The following IRX4 variants were observed in gnomAD, a reference collection of about 807,000 sequenced individuals.
IRX4 encodes the protein iroquois-class homeodomain protein IRX-4.
In IRX4, 22 loss-of-function variants were observed where a neutral mutation model predicts 32.0. The observed-to-expected ratio is 0.69, with a 90% CI of 0.49 to 0.98. The LOEUF is 0.98. Ranked by LOEUF, IRX4 falls within the 50% of genes least tolerant of loss-of-function variation. The probability of loss-of-function intolerance (pLI) is 0.00; values close to 1 mark genes in which losing one functional copy is unlikely to be tolerated. For synonymous variants in IRX4, 379 were observed against 351.7 expected, an observed-to-expected ratio of 1.08 and a Z score of -0.87; for missense variants, 840 against 744.2, an observed-to-expected ratio of 1.13 and a Z score of -1.50.
chr5:1,877,809 G>C lies in IRX4; in HGVS notation c.*160C>G, dbSNP rs766817717. On this transcript the variant is annotated 3_prime_UTR_variant, in exon 5 of 5. Coordinates refer to ENST00000231357, the MANE Select transcript of IRX4 (RefSeq NM_016358.3). ...GGAGGCCCCGGCGTGGCAGCGCCGG[G>C]CTTGTCCATGTTCCCAGGAGTCCAA... 2.9e-6 allele frequency: 2 copies of C among 686,032 alleles called. No individual in the cohort carries two copies. The highest frequency in any genetic ancestry group is 3.9e-5 in the African/African-American group (2 of 51,786). The allele number at this position is 686,032 out of a possible 1,614,324, so 42.5% of individuals were successfully genotyped here.
chr5:1,884,188 G>C (rs557757534), upstream of IRX4: 1 of 152,370 alleles, frequency 6.6e-6, no homozygotes, highest in South Asian at 2.1e-4. Flanking sequence ...GACTCGCCCC[G>C]GTTGCCCTCG....
intron 3 of IRX4, 62 bp from the exon 4 acceptor site, chr5:1,879,894 T>G: frequency 1.2e-6 from 2 of 1,601,486 alleles, no homozygotes; most frequent in Non-Finnish European, 1.7e-6. Context: ...ATCATGGGCA[T>G]AGGGGTGGGG....
rs760237288 is a variant in IRX4, at chr5:1,878,598, C to T, written c.931G>A (p.Gly311Ser). 1.3e-6 allele frequency: 2 copies of T among 1,556,710 alleles called. No individual in the cohort carries two copies. The highest frequency in any genetic ancestry group is 1.7e-6 in the Non-Finnish European group (2 of 1,151,374). The part of the protein sequence containing the change: ...SGALRMSLAA[G>S]GGAALDEDLE... ...TCCTCGTCCAGAGCAGCTCCGCCAC[C>T]CGCGGCCAGAGACATCCGGAGCGCG... Residue 311 changes from glycine (G) to serine (S), a missense_variant, in exon 5 of 5, where the codon GGT becomes AGT. Around this residue, in one of 3 missense-constraint regions of IRX4, gnomAD observed 585 missense variants for 488.0 expected, o/e 1.20. Transcript: ENST00000231357.
chr5:1,881,321 G>T (rs1314804634), intron 2 of IRX4, among the ~76,000 whole-genome samples: 9 of 77,658 alleles, frequency 1.2e-4, no homozygotes, highest in African/African-American at 1.6e-4. Context: ...GCGCAAGGCG[G>T]GGGGAGGAGC....
chr5:1,880,159 G>C (rs1177592627), intron 3 of IRX4: 1 of 1,530,908 alleles, frequency 6.5e-7, no homozygotes, highest in South Asian at 1.2e-5. Context: ...ACCATAAAAA[G>C]GTATAGACAG....
chr5:1,883,193 G>A (rs1229572514), upstream of IRX4, among the ~76,000 whole-genome samples: 2 of 152,196 alleles, frequency 1.3e-5, no homozygotes, highest in African/African-American at 4.8e-5. Context: ...TTAGTCACCC[G>A]AGAACGAGAG....
chr5:1,886,064 C>T (rs1396764599), upstream of IRX4, among the ~76,000 whole-genome samples: 1 of 152,264 alleles, frequency 6.6e-6, no homozygotes, highest in Non-Finnish European at 1.5e-5. Flanking sequence ...CGGAGCAGGC[C>T]GCAGGGGAGG....
At chr5:1,878,852 T>C in intron 4 of IRX4, 60 bp from the exon 5 acceptor site, 1 of 1,550,192 alleles carries the variant, frequency 6.5e-7, no homozygotes. Context: ...TCAGACCCCC[T>C]GTCCCCGTCC....
At position 1,881,865 on chromosome 5, in the gene IRX4, C is replaced by T. The variant is rs567556846; in HGVS notation, c.240G>A (p.Ser80=). Residue 80 remains serine, a synonymous_variant, in exon 2 of 5, where the codon TCG becomes TCA. Transcript: ENST00000231357. ...LGVYGGPYGG[S]QGYGNYVTYG... ...AGGTCACGTAGTTGCCATAGCCCTG[C>T]GATCCGCCATAGGGACCCCCATAGA... is the stretch of plus-strand genomic sequence containing the variant. 8.2e-6 allele frequency: 13 copies of T among 1,581,902 alleles called. No individual in the cohort carries two copies. Among genetic ancestry groups the T allele is most frequent in the South Asian group, 1.2e-5 (1 of 86,394 alleles).
chr5:1,885,665 G>A (rs1735606250), upstream of IRX4, among the ~76,000 whole-genome samples: 1 of 152,124 alleles, frequency 6.6e-6, no homozygotes, highest in South Asian at 2.1e-4. Flanking sequence ...GTGGATTGGC[G>A]ACCACCGGGA....
At chr5:1,882,262 C>T (rs972981124) in intron 1 of IRX4, among the ~76,000 whole-genome samples, 1 of 152,194 alleles carries the variant, frequency 6.6e-6, no homozygotes, top group Non-Finnish European at 1.5e-5. Flanking sequence ...CGAGCACCTA[C>T]ACCCTTCCCC....
chr5:1,881,687 A>C, intron 2 of IRX4, 121 bp downstream of exon 2: 3 of 1,260,712 alleles, frequency 2.4e-6, no homozygotes, highest in Non-Finnish European at 2.2e-6. Flanking sequence ...AAGGCAGCCA[A>C]GGTGAGCGCC....
intron 3 of IRX4, chr5:1,880,214 A>C (rs1207982802): frequency 5.6e-6 from 7 of 1,244,852 alleles, no homozygotes; most frequent in South Asian, 1.3e-5. Flanking sequence ...AGGAAGGGTC[A>C]TTACTGCCCA....
Position 1,882,050 on chromosome 5 carries a change from C to T in IRX4, c.55G>A (p.Ala19Thr). Residue 19 changes from alanine (A) to threonine (T), a missense_variant, in exon 2 of 5, where the codon GCC (alanine) becomes ACC (threonine). Coordinates refer to ENST00000231357, the MANE Select transcript of IRX4 (RefSeq NM_016358.3). ...CAGCACGTGCTCAGGGAGTTGGTGG[C>T]CATCAAGAACTGCAGAGAGAGGCCG... ...PYSSAPQFLMATNSLSTCCES... is the reference protein window; with the variant it reads ...PYSSAPQFLMTTNSLSTCCES... The T allele has an allele frequency of 1.9e-6, 3 of 1,553,228 alleles. No individual in the cohort carries two copies. Among genetic ancestry groups the T allele is most frequent in the African/African-American group, 1.4e-5 (1 of 73,308 alleles).
upstream of IRX4, chr5:1,883,963 T>C (rs896547899): frequency 1.3e-5 from 2 of 152,270 alleles, no homozygotes; most frequent in African/African-American, 4.8e-5. Context: ...CCCTCCCCTG[T>C]CCATTTTGCC....
Position 1,877,626 on chromosome 5 carries a change from G to A in IRX4, c.*343C>T, listed in dbSNP as rs1735241930. On this transcript the variant is annotated 3_prime_UTR_variant, in exon 5 of 5. Coordinates refer to ENST00000231357, the MANE Select transcript of IRX4 (RefSeq NM_016358.3). ...CAGGCCCAGGAGGCCTCACGCCCAG[G>A]GGACAGCAGACCACGCTTCAGAACG... is the stretch of plus-strand genomic sequence containing the variant. 3 of 310,884 alleles carry A rather than the reference G, an allele frequency of 9.6e-6. No homozygotes were observed. Among genetic ancestry groups the A allele is most frequent in the Admixed American group, 5.1e-5 (1 of 19,430 alleles). 19.3% of individuals were successfully genotyped at this position (310,884 alleles called of 1,614,324 possible).
In IRX4 at chr5:1,879,633, CCTT is replaced by C. The variant is rs778505520; in HGVS notation, c.604_606del (p.Lys202del). The C allele has an allele frequency of 7.4e-6, 12 of 1,614,014 alleles. No homozygotes were observed. Among genetic ancestry groups the C allele is most frequent in the Admixed American group, 5.0e-5 (3 of 60,012 alleles). Reference sequence around the variant, plus strand: ...CGCGGCGGCCACGTCATCTTGTTCTCCTTCTTGAGGCGCCGGCGCGCGTTGGCG... The same window carrying C: ...CGCGGCGGCCACGTCATCTTGTTCTCCTTGAGGCGCCGGCGCGCGTTGGCG... On this transcript the variant is annotated inframe_deletion, in exon 4 of 5. Coordinates refer to ENST00000231357, the MANE Select transcript of IRX4 (RefSeq NM_016358.3).
chr5:1,881,491 C>T (rs1337910288), intron 2 of IRX4, among the ~76,000 whole-genome samples: 1 of 151,618 alleles, frequency 6.6e-6, no homozygotes, highest in Non-Finnish European at 1.5e-5. Flanking sequence ...AGAATGGGGT[C>T]AGGGAATGAG....
upstream of IRX4, among the ~76,000 whole-genome samples, chr5:1,883,334 G>A (rs1197322194): frequency 6.6e-6 from 1 of 152,240 alleles, no homozygotes; most frequent in Non-Finnish European, 1.5e-5. Flanking sequence ...AATTAGCCCG[G>A]CGCTGCGCAG....
Sources: allele counts gnomAD v4.1 joint callset (sites outside exome capture counted in the v4.1 genomes callset), GRCh38; gene constraint gnomAD v4.1.1; regional missense constraint gnomAD v4.1.1; transcripts MANE v1.5; gene names NCBI Gene and HGNC (gene_info 2026-07-23, HGNC 2026-07-21).